Variants in IL1RAPL2 observed in about 807,000 individuals in gnomAD.
IL1RAPL2 encodes the protein interleukin 1 receptor accessory protein like 2, also known as X-linked interleukin-1 receptor accessory protein-like 2.
IL1RAPL2 carries 3 observed loss-of-function variants against 44.1 expected under a neutral mutation model. That is an observed-to-expected ratio of 0.07 (90% CI 0.03 to 0.18). The LOEUF is 0.18. Among genes scored for constraint, IL1RAPL2 ranks in the 10% least tolerant of loss-of-function variants. IL1RAPL2 has a pLI of 1.00. For synonymous variants in IL1RAPL2, 181 were observed against 178.8 expected (o/e 1.01, Z -0.10); for missense variants, 391 against 496.4 (o/e 0.79, Z 2.02).
chrX:105,666,194 C>T (rs1253276513), intron 6 of IL1RAPL2, among the ~76,000 whole-genome samples: 2 of 109,914 alleles, frequency 1.8e-5, no homozygotes, highest in Non-Finnish European at 3.8e-5. Flanking sequence ...TAATCTATTG[C>T]GGGATCTGGC....
rs181414212 is a variant in IL1RAPL2, at chrX:104,667,481, T to C, written c.82+8486T>C. Among the ~76,000 whole-genome samples the C allele has an allele frequency of 4.0e-4, 45 of 111,448 alleles. No homozygotes were observed. The Admixed American group carries it at 4.3e-3, about 11-fold the overall frequency. ...GCACTTTACATACATTGTCTCCTAA[T>C]ACAAAGACACTGAGGTAGGTAGGTC... On this transcript the variant is annotated intron_variant, in intron 2 of 10. Transcript: ENST00000372582.
At chrX:104,935,129 C>T (rs1304865597) in intron 2 of IL1RAPL2, among the ~76,000 whole-genome samples, 1 of 111,973 alleles carries the variant, frequency 8.9e-6, no homozygotes, top group Middle Eastern at 4.2e-3. Context: ...TGTGATATAC[C>T]TAGATTGTTC....
chrX:105,712,214 C>CACA (rs2038216713), intron 6 of IL1RAPL2, among the ~76,000 whole-genome samples: 1 of 112,000 alleles, frequency 8.9e-6, no homozygotes, highest in African/African-American at 3.3e-5. Context: ...TCCATGCACA[C>CACA]ACAACTCTTG....
chrX:105,021,872 A>G (rs2031286798), intron 2 of IL1RAPL2, among the ~76,000 whole-genome samples: 1 of 111,546 alleles, frequency 9.0e-6, no homozygotes, highest in Non-Finnish European at 1.9e-5. Flanking sequence ...TATGACAGAA[A>G]GGCAGAATAT....
chrX:104,585,903 A>G (rs1928551512), intron 1 of IL1RAPL2, among the ~76,000 whole-genome samples: 1 of 111,218 alleles, frequency 9.0e-6, no homozygotes. Flanking sequence ...TGCAATGAAC[A>G]TGCGTATGAA....
At chrX:105,636,294 A>T (rs1414353659) in intron 6 of IL1RAPL2, among the ~76,000 whole-genome samples, 1 of 111,447 alleles carries the variant, frequency 9.0e-6, no homozygotes, top group Non-Finnish European at 1.9e-5. Flanking sequence ...TAGTTGCCTA[A>T]GTATAATTAC....
intron 2 of IL1RAPL2, among the ~76,000 whole-genome samples, chrX:104,818,831 A>G: frequency 8.9e-6 from 1 of 111,999 alleles, no homozygotes; most frequent in South Asian, 3.8e-4. Context: ...AGGAGAAATT[A>G]AAGAAGAGAA....
At chrX:105,009,343 C>A (rs1270800879) in intron 2 of IL1RAPL2, among the ~76,000 whole-genome samples, 1 of 109,943 alleles carries the variant, frequency 9.1e-6, no homozygotes, top group African/African-American at 3.3e-5. Flanking sequence ...AGACTTGGAA[C>A]CAACCCAAAT....
At chrX:105,165,287 A>G (rs1221008022) in intron 2 of IL1RAPL2, among the ~76,000 whole-genome samples, 2 of 111,658 alleles carry the variant, frequency 1.8e-5, no homozygotes, top group East Asian at 5.6e-4. Context: ...TTCCATAAAA[A>G]TTTGGGAGCT....
chrX:105,586,602 T>C (rs1421008905), intron 6 of IL1RAPL2, among the ~76,000 whole-genome samples: 1 of 112,108 alleles, frequency 8.9e-6, no homozygotes, highest in Non-Finnish European at 1.9e-5. Flanking sequence ...GAGAACTCTA[T>C]CTGATGATAC....
intron 6 of IL1RAPL2, among the ~76,000 whole-genome samples, chrX:105,591,237 T>A (rs1459708836): frequency 9.1e-6 from 1 of 109,574 alleles, no homozygotes; most frequent in Non-Finnish European, 1.9e-5. Context: ...TTTTTTTTTT[T>A]AATTTCTGTA....
chrX:105,742,182 T>C (rs954477147), intron 8 of IL1RAPL2, among the ~76,000 whole-genome samples: 1 of 111,294 alleles, frequency 9.0e-6, no homozygotes, highest in African/African-American at 3.3e-5. Context: ...AAATGGCTAA[T>C]TTTTTCTTTT....
chrX:104,829,616 T>C (rs1921554485), intron 2 of IL1RAPL2, among the ~76,000 whole-genome samples: 1 of 112,673 alleles, frequency 8.9e-6, no homozygotes, highest in Non-Finnish European at 1.9e-5. Context: ...AATAATCTGA[T>C]TCAACCTTTG....
intron 2 of IL1RAPL2, among the ~76,000 whole-genome samples, chrX:104,790,148 G>A (rs1932818123): frequency 8.9e-6 from 1 of 111,997 alleles, no homozygotes; most frequent in African/African-American, 3.2e-5. Flanking sequence ...AAAAATTTTT[G>A]TTTAAATAAA....
chrX:105,410,704 A>C (rs373042801), intron 5 of IL1RAPL2, among the ~76,000 whole-genome samples: 1 of 111,713 alleles, frequency 9.0e-6, no homozygotes, highest in Middle Eastern at 4.6e-3. Flanking sequence ...AGGAATAAAA[A>C]CCCCCTGAGA....
At position 105,019,426 on chromosome X, in the gene IL1RAPL2, T is replaced by C. The variant is rs148241996; in HGVS notation, c.83-176049T>C. On this transcript the variant is annotated intron_variant, in intron 2 of 10. Coordinates refer to ENST00000372582, the MANE Select transcript of IL1RAPL2 (RefSeq NM_017416.2). ...AATGAGATTACTAAGGTATAATTAG[T>C]AGTAACACATATATTAGCAATTAGA... Among the ~76,000 whole-genome samples, 509 of 111,368 alleles carry C rather than the reference T, an allele frequency of 4.6e-3. 3 individuals are homozygous for C. Among genetic ancestry groups the C allele is most frequent in the Non-Finnish European group, 6.9e-3 (365 of 52,888 alleles).
chrX:104,726,645 T>C (rs1438589936), intron 2 of IL1RAPL2, among the ~76,000 whole-genome samples: 1 of 111,386 alleles, frequency 9.0e-6, no homozygotes, highest in Non-Finnish European at 1.9e-5. Context: ...CTGTAGCAAT[T>C]GTGAATGGGA....
At chrX:105,282,456 C>G (rs775244429) in intron 5 of IL1RAPL2, among the ~76,000 whole-genome samples, 1 of 111,232 alleles carries the variant, frequency 9.0e-6, no homozygotes, top group Non-Finnish European at 1.9e-5. Flanking sequence ...CAGTGGGGAT[C>G]CTGAAGAGCA....
chrX:104,950,775 C>A (rs866730646), intron 2 of IL1RAPL2, among the ~76,000 whole-genome samples: 2 of 109,983 alleles, frequency 1.8e-5, no homozygotes, highest in East Asian at 5.8e-4. Context: ...GGCACAATCT[C>A]GGCTCACTGC....
Sources: gnomAD v4.1 joint callset for allele counts (sites outside exome capture counted in the v4.1 genomes callset) on GRCh38, gnomAD v4.1.1 for gene constraint, MANE v1.5 for transcripts, NCBI Gene and HGNC (gene_info 2026-07-23, HGNC 2026-07-21) for gene names.